FBXO11: variants seen among roughly 807,000 people sequenced by gnomAD.
The protein encoded by FBXO11 is F-box only protein 11.
FBXO11 carries 13 observed loss-of-function variants against 117.0 expected under a neutral mutation model. The observed-to-expected ratio is 0.11, with a 90% CI of 0.07 to 0.18. The LOEUF (loss-of-function observed/expected upper bound fraction) is 0.18. Ranked by LOEUF, FBXO11 falls within the 10% of genes least tolerant of loss-of-function variation. FBXO11 has a pLI of 1.00. For synonymous variants in FBXO11, 490 were observed against 380.5 expected (o/e 1.29, Z -3.35); for missense variants, 767 against 1,164.4 (o/e 0.66, Z 4.97).
chr2:47,810,100 G>A (rs956544109), intron 19 of FBXO11: 7 of 512,788 alleles, frequency 1.4e-5, no homozygotes, highest in African/African-American at 9.9e-5. Context: ...TCATAATCAC[G>A]ACTAAGCAAT....
chr2:47,887,105 G>C (rs1010913642), intron 1 of FBXO11, among the ~76,000 whole-genome samples: 13 of 151,852 alleles, frequency 8.6e-5, no homozygotes, highest in Admixed American at 7.9e-4. Context: ...GACCAACATG[G>C]AGAAACCCCA....
In FBXO11 at chr2:47,806,969, C is replaced by T. The variant is rs768061728; in HGVS notation, c.*1149G>A. On this transcript the variant is annotated 3_prime_UTR_variant, in exon 23 of 23. Transcript: ENST00000403359. ...TTAAAAATGACCATTTTTCCATTTTCTTTCTAGGAAATTAAACCCTTTTAA... is the reference window on the plus strand; with the variant it reads ...TTAAAAATGACCATTTTTCCATTTTTTTTCTAGGAAATTAAACCCTTTTAA... 3.4e-6 allele frequency: 3 copies of T among 878,548 alleles called. No individual in the cohort carries two copies. The highest frequency in any genetic ancestry group is 2.0e-5 in the Admixed American group (1 of 49,320). The allele number at this position is 878,548 out of a possible 1,614,324, so 54.4% of individuals were successfully genotyped here.
chr2:47,829,947 A>G (rs778260464), intron 11 of FBXO11, among the ~76,000 whole-genome samples: 1 of 152,226 alleles, frequency 6.6e-6, no homozygotes, highest in Non-Finnish European at 1.5e-5. Flanking sequence ...CATTAAAAAA[A>G]TGTAAAAATT....
At chr2:47,856,893 T>C (rs1674339222) in intron 1 of FBXO11, among the ~76,000 whole-genome samples, 1 of 152,188 alleles carries the variant, frequency 6.6e-6, no homozygotes, top group Non-Finnish European at 1.5e-5. Context: ...TTATCCAAGT[T>C]GAAGAAACAT....
intron 1 of FBXO11, among the ~76,000 whole-genome samples, chr2:47,876,351 G>C (rs1320692672): frequency 6.6e-6 from 1 of 152,060 alleles, no homozygotes; most frequent in Non-Finnish European, 1.5e-5. Flanking sequence ...CCAATTCTTT[G>C]TTTGCCACTG....
intron 1 of FBXO11, among the ~76,000 whole-genome samples, chr2:47,875,340 T>C (rs1300970213): frequency 6.6e-6 from 1 of 152,194 alleles, no homozygotes; most frequent in African/African-American, 2.4e-5. Context: ...GTGCTATTTA[T>C]CTTCGCGTTT....
chr2:47,846,336 G>A (rs530588010), intron 1 of FBXO11, among the ~76,000 whole-genome samples: 1 of 152,136 alleles, frequency 6.6e-6, no homozygotes, highest in African/African-American at 2.4e-5. Context: ...GTTTGGTGGC[G>A]CATGCCTGTA....
chr2:47,902,574 C>T (rs1678378363), intron 1 of FBXO11, among the ~76,000 whole-genome samples: 1 of 152,048 alleles, frequency 6.6e-6, no homozygotes, highest in Non-Finnish European at 1.5e-5. Context: ...CCCACATACA[C>T]ACACACATAC....
intron 1 of FBXO11, chr2:47,905,197 C>G: frequency 4.7e-6 from 1 of 212,910 alleles, no homozygotes; most frequent in Non-Finnish European, 9.2e-6. Context: ...GGTCTGTGAG[C>G]GAGCGGAGAA....
intron 19 of FBXO11, 77 bp from the exon 20 acceptor site, chr2:47,809,784 T>TAAAC (rs1670483124): frequency 1.1e-6 from 1 of 893,758 alleles, no homozygotes. Flanking sequence ...CAAGCAAATG[T>TAAAC]AAACTGCTTC....
chr2:47,861,835 G>C (rs547550738), intron 1 of FBXO11, among the ~76,000 whole-genome samples: 1 of 152,212 alleles, frequency 6.6e-6, no homozygotes, highest in African/African-American at 2.4e-5. Context: ...GCCCATGTTG[G>C]CACAATGAAT....
chr2:47,898,783 G>C (rs1677868714), intron 1 of FBXO11, among the ~76,000 whole-genome samples: 1 of 152,108 alleles, frequency 6.6e-6, no homozygotes, highest in Non-Finnish European at 1.5e-5. Context: ...TCAAGGGGCA[G>C]GTTATTGCAT....
intron 1 of FBXO11, among the ~76,000 whole-genome samples, chr2:47,866,763 C>T (rs1296281466): frequency 3.9e-5 from 6 of 152,150 alleles, no homozygotes; most frequent in Admixed American, 1.3e-4. Flanking sequence ...TGAGCCACTG[C>T]GCCCGGCCTA....
At chr2:47,854,109 C>A (rs1386019470) in intron 1 of FBXO11, among the ~76,000 whole-genome samples, 1 of 152,154 alleles carries the variant, frequency 6.6e-6, no homozygotes, top group African/African-American at 2.4e-5. Context: ...TCTTTCCGAA[C>A]TATAAAAGTA....
In FBXO11 at chr2:47,822,190, G is replaced by C. The variant is rs375961766; in HGVS notation, c.1702+28C>G. 1.6e-5 allele frequency: 24 copies of C among 1,456,520 alleles called. No individual in the cohort carries two copies. In the African/African-American group the frequency reaches 3.3e-4, roughly 20 times the overall value. The allele number at this position is 1,456,520 out of a possible 1,614,324, so 90.2% of individuals were successfully genotyped here. Reference sequence around the variant, plus strand: ...ATCAAGAAGACATACAAATCTATAAGTTTTATAGAACAAAACCATACGCTT... The same window carrying C: ...ATCAAGAAGACATACAAATCTATAACTTTTATAGAACAAAACCATACGCTT... On this transcript the variant is annotated intron_variant, in intron 13 of 22. Coordinates refer to ENST00000403359, the MANE Select transcript of FBXO11 (RefSeq NM_001190274.2).
intron 13 of FBXO11, among the ~76,000 whole-genome samples, chr2:47,821,154 AATAC>A (rs1671349842): frequency 6.6e-6 from 1 of 152,230 alleles, no homozygotes; most frequent in Admixed American, 6.5e-5. Context: ...ACTGCCTGTG[AATAC>A]ATACCACAGA....
intron 1 of FBXO11, among the ~76,000 whole-genome samples, chr2:47,847,912 C>A (rs1450802441): frequency 6.6e-6 from 1 of 151,940 alleles, no homozygotes; most frequent in East Asian, 1.9e-4. Context: ...ATCATGAGGT[C>A]AGGAGATTGA....
At chr2:47,808,275 GA>G in intron 22 of FBXO11, 28 bp from the exon 23 acceptor site, 1 of 1,612,562 alleles carries the variant, frequency 6.2e-7, no homozygotes, top group Non-Finnish European at 8.5e-7. Context: ...CCAAATATTA[GA>G]AAAGTGAGGG....
intron 17 of FBXO11, among the ~76,000 whole-genome samples, 154 bp from the exon 18 acceptor site, chr2:47,813,531 A>C (rs986264196): frequency 3.6e-5 from 5 of 138,688 alleles, no homozygotes; most frequent in African/African-American, 1.4e-4. Context: ...TCCCGGGTTC[A>C]AGTGATTCTC....
Sources: gnomAD v4.1 joint callset for allele counts (sites outside exome capture counted in the v4.1 genomes callset) on GRCh38, gnomAD v4.1.1 for gene constraint, MANE v1.5 for transcripts, NCBI Gene and HGNC (gene_info 2026-07-23, HGNC 2026-07-21) for gene names.